The following PPP1R9A variants were observed in gnomAD, a reference collection of about 807,000 sequenced individuals.
The protein encoded by PPP1R9A is neurabin-1.
Under a neutral mutation model 141.9 loss-of-function variants are expected in PPP1R9A, and 59 were observed. The observed-to-expected ratio is 0.42, with a 90% CI of 0.34 to 0.52. The LOEUF is 0.52. PPP1R9A is among the 20% of genes least tolerant of loss of function. PPP1R9A has a pLI of 0.10. For missense variants in PPP1R9A, 1,444 were observed against 1,611.9 expected (o/e 0.90, Z 1.78); for synonymous variants, 500 against 569.7 (o/e 0.88, Z 1.74).
chr7:94,917,263 A>G (rs918416849), intron 2 of PPP1R9A, among the ~76,000 whole-genome samples: 1 of 152,224 alleles, frequency 6.6e-6, no homozygotes, highest in African/African-American at 2.4e-5. Flanking sequence ...CCCCTTTTCT[A>G]AAATCCAGAG....
intron 2 of PPP1R9A, chr7:95,018,155 A>G (rs1036356201): frequency 9.6e-6 from 2 of 208,564 alleles, no homozygotes; most frequent in Admixed American, 9.3e-5. Context: ...TCCCCAAAAC[A>G]TGCTTAACCA....
At chr7:94,933,165 T>C (rs568973862) in intron 2 of PPP1R9A, among the ~76,000 whole-genome samples, 2 of 152,136 alleles carry the variant, frequency 1.3e-5, no homozygotes, top group Non-Finnish European at 2.9e-5. Context: ...GTTACATTAT[T>C]GAACTACAAA....
intron 2 of PPP1R9A, among the ~76,000 whole-genome samples, chr7:95,032,431 A>G (rs1056364816): frequency 6.6e-6 from 1 of 152,108 alleles, no homozygotes; most frequent in Non-Finnish European, 1.5e-5. Flanking sequence ...AGATTTACTC[A>G]TCAAACTAAG....
chr7:95,192,575 A>G (rs1486266821), intron 5 of PPP1R9A, among the ~76,000 whole-genome samples: 2 of 152,050 alleles, frequency 1.3e-5, no homozygotes, highest in South Asian at 4.1e-4. Flanking sequence ...ACTAAGCACC[A>G]GATACTTAGT....
intron 5 of PPP1R9A, among the ~76,000 whole-genome samples, chr7:95,189,941 C>T (rs1349518526): frequency 6.6e-6 from 1 of 152,008 alleles, no homozygotes; most frequent in East Asian, 1.9e-4. Context: ...GAGCATTTTT[C>T]ATCCATATAC....
At chr7:94,929,824 G>A (rs550368749) in intron 2 of PPP1R9A, among the ~76,000 whole-genome samples, 2 of 152,296 alleles carry the variant, frequency 1.3e-5, no homozygotes, top group South Asian at 4.1e-4. Context: ...CAGAATGGAG[G>A]CTGAAACAGG....
chr7:94,981,335 G>A (rs1003008294), intron 2 of PPP1R9A, among the ~76,000 whole-genome samples: 1 of 152,138 alleles, frequency 6.6e-6, no homozygotes, highest in African/African-American at 2.4e-5. Flanking sequence ...TGTCTCTCAG[G>A]TTCAAGCAAT....
chr7:95,127,510 T>TC (rs1476454479), intron 4 of PPP1R9A, among the ~76,000 whole-genome samples: 1 of 151,474 alleles, frequency 6.6e-6, no homozygotes, highest in Non-Finnish European at 1.5e-5. Context: ...TTTCTTTCTT[T>TC]TTTTTTTTTA....
chr7:94,970,864 G>T (rs1010362911), intron 2 of PPP1R9A, among the ~76,000 whole-genome samples: 1 of 151,940 alleles, frequency 6.6e-6, no homozygotes, highest in Non-Finnish European at 1.5e-5. Flanking sequence ...TAGTGGAAAT[G>T]GGTTTTCTAA....
At chr7:95,171,917 G>A (rs1193610590) in intron 5 of PPP1R9A, among the ~76,000 whole-genome samples, 1 of 151,434 alleles carries the variant, frequency 6.6e-6, no homozygotes, top group Non-Finnish European at 1.5e-5. Flanking sequence ...AGTCCAAATT[G>A]GATTATAAAT....
At chr7:95,157,196 A>C (rs1829756956) in intron 4 of PPP1R9A, among the ~76,000 whole-genome samples, 1 of 152,124 alleles carries the variant, frequency 6.6e-6, no homozygotes, top group African/African-American at 2.4e-5. Flanking sequence ...GGGAGAAGCC[A>C]AGCAGCGGGA....
chr7:95,073,624 G>GTTTTTTTTTTTTTTTTTTTT (rs36077129), intron 2 of PPP1R9A, among the ~76,000 whole-genome samples: 2 of 105,558 alleles, frequency 1.9e-5, no homozygotes, highest in Non-Finnish European at 3.8e-5. Flanking sequence ...AAAGAAATAA[G>GTTTTTTTTTTTTTTTTTTTT]TTTTTTTTTT....
In PPP1R9A at chr7:94,949,014, A is replaced by G. The variant is rs4727306; in HGVS notation, c.1395+37506A>G. Reference sequence around the variant, plus strand: ...GCCTAATGTTTTTACCTTTGTTTCCATTAAGCACACCTGGGATAAGCCAGA... The same window carrying G: ...GCCTAATGTTTTTACCTTTGTTTCCGTTAAGCACACCTGGGATAAGCCAGA... On this transcript the variant is annotated intron_variant, in intron 2 of 19. Transcript: ENST00000433360. Among the ~76,000 whole-genome samples, 578 of 152,304 alleles carry G rather than the reference A, an allele frequency of 3.8e-3. 21 individuals are homozygous for G. Among genetic ancestry groups the G allele is most frequent in the East Asian group, 0.034 (176 of 5,178 alleles).
chr7:95,147,515 A>G (rs1827854468), intron 4 of PPP1R9A, among the ~76,000 whole-genome samples: 1 of 152,180 alleles, frequency 6.6e-6, no homozygotes, highest in Non-Finnish European at 1.5e-5. Flanking sequence ...TGCCCTGGCT[A>G]GAACTTCCAA....
At chr7:95,085,126 A>G (rs1184719988) in intron 2 of PPP1R9A, among the ~76,000 whole-genome samples, 2 of 151,974 alleles carry the variant, frequency 1.3e-5, no homozygotes, top group African/African-American at 4.8e-5. Context: ...TATATTGCCT[A>G]TTACTAGTAA....
At chr7:95,280,591 G>A (rs905620015) in intron 16 of PPP1R9A, among the ~76,000 whole-genome samples, 3 of 152,114 alleles carry the variant, frequency 2.0e-5, no homozygotes, top group Non-Finnish European at 2.9e-5. Flanking sequence ...TTATGAGGAC[G>A]AATTTGAAGC....
At position 95,286,223 on chromosome 7, in the gene PPP1R9A, T is replaced by C. The variant is rs751498960; in HGVS notation, c.3627T>C (p.Asp1209=). 24 of 1,613,430 alleles carry C rather than the reference T, an allele frequency of 1.5e-5. No homozygotes were observed. Among genetic ancestry groups the C allele is most frequent in the Non-Finnish European group, 2.0e-5 (24 of 1,179,496 alleles). Residue 1209 remains aspartate, a synonymous_variant, in exon 18 of 20, where the codon GAT becomes GAC. Transcript: ENST00000433360. ...TTTTACAGAATTTTACCTTCAATGA[T>C]GACTTCAGTCCCAGCAGTACCAGTT... ...IQETNNFTFN[D]DFSPSSTSSA...
intron 7 of PPP1R9A, among the ~76,000 whole-genome samples, chr7:95,215,914 C>T (rs547850688): frequency 6.2e-4 from 94 of 152,192 alleles, no homozygotes; most frequent in African/African-American, 1.8e-3. Flanking sequence ...TTCTCCCATT[C>T]TGTAGGTTGC....
At chr7:95,100,180 G>T (rs1818576120) in intron 2 of PPP1R9A, among the ~76,000 whole-genome samples, 1 of 152,064 alleles carries the variant, frequency 6.6e-6, no homozygotes, top group African/African-American at 2.4e-5. Context: ...AGCACTTTCG[G>T]AGGCCGAGGT....
Sources: allele counts gnomAD v4.1 joint callset (sites outside exome capture counted in the v4.1 genomes callset), GRCh38; gene constraint gnomAD v4.1.1; transcripts MANE v1.5; gene names NCBI Gene and HGNC (gene_info 2026-07-23, HGNC 2026-07-21).